The following LSAMP variants were observed in gnomAD, a reference collection of about 807,000 sequenced individuals.
The protein encoded by LSAMP is limbic system associated membrane protein.
LSAMP carries 7 observed loss-of-function variants against 38.6 expected under a neutral mutation model. The observed-to-expected ratio is 0.18, with a 90% CI of 0.10 to 0.34. The LOEUF is 0.34. LSAMP is among the 10% of genes least tolerant of loss of function. The pLI, the probability that LSAMP is intolerant of heterozygous loss-of-function variation, is 1.00. For missense variants in LSAMP, 313 were observed against 420.0 expected (o/e 0.75, Z 2.23); for synonymous variants, 154 against 166.8 (o/e 0.92, Z 0.59).
chr3:116,047,575 T>C (rs921243400), intron 2 of LSAMP, among the ~76,000 whole-genome samples: 7 of 152,124 alleles, frequency 4.6e-5, no homozygotes, highest in Admixed American at 3.9e-4. Context: ...TCTACATGCA[T>C]GCATCTCTTT....
Position 116,217,590 on chromosome 3 carries a change from TTTCTC to T in LSAMP, c.156-131039_156-131035del, listed in dbSNP as rs1465454787. On this transcript the variant is annotated intron_variant, in intron 1 of 6. Transcript: ENST00000490035. ...GAGAAGAAGTACATTGGATTGCAGTTTTCTCTTCACTTATTGTAAAGTGTTCCCAT... is the reference window on the plus strand; with the variant it reads ...GAGAAGAAGTACATTGGATTGCAGTTTTCACTTATTGTAAAGTGTTCCCAT... 2.6e-5 allele frequency among the ~76,000 whole-genome samples: 4 copies of T among 152,344 alleles called. No homozygotes were observed. The East Asian group carries it at 7.7e-4, about 29-fold the overall frequency.
rs557500726 is a variant in LSAMP at position 116,240,673 on chromosome 3, T to C, written c.156-154117A>G. Among the ~76,000 whole-genome samples, 22 of 152,340 alleles carry C rather than the reference T, an allele frequency of 1.4e-4. 1 individual carries two copies. The South Asian group carries it at 4.1e-3, about 29-fold the overall frequency. On this transcript the variant is annotated intron_variant, in intron 1 of 6. Coordinates refer to ENST00000490035, the MANE Select transcript of LSAMP (RefSeq NM_002338.5). ...CAAGAATTTTTTAACCTCATGTCCATGGACTGTTGGACTTTTAAGTTATCT... is the reference window on the plus strand; with the variant it reads ...CAAGAATTTTTTAACCTCATGTCCACGGACTGTTGGACTTTTAAGTTATCT...
In LSAMP at chr3:116,016,515, C is replaced by G. The variant is rs553525160; in HGVS notation, c.514+3000G>C. ...GGTGGGGGATATCCCCAAAGCCCTA[C>G]TTGGCCATGGATGAGTGCAGCAAAT... On this transcript the variant is annotated intron_variant, in intron 3 of 6. Coordinates refer to ENST00000490035, the MANE Select transcript of LSAMP (RefSeq NM_002338.5). Among the ~76,000 whole-genome samples the G allele has an allele frequency of 1.1e-4, 16 of 152,310 alleles. No homozygotes were observed. In the East Asian group the frequency reaches 2.3e-3, roughly 22 times the overall value.
At chr3:115,932,280 T>C (rs1937592050) in intron 3 of LSAMP, among the ~76,000 whole-genome samples, 1 of 152,174 alleles carries the variant, frequency 6.6e-6, no homozygotes, top group South Asian at 2.1e-4. Flanking sequence ...AGAAAGGAAA[T>C]TTGGACTTTT....
intron 6 of LSAMP, among the ~76,000 whole-genome samples, chr3:115,813,857 C>T (rs979130493): frequency 6.6e-6 from 1 of 152,078 alleles, no homozygotes; most frequent in African/African-American, 2.4e-5. Flanking sequence ...TCTTATTTCC[C>T]ACACCAGATG....
intron 2 of LSAMP, among the ~76,000 whole-genome samples, chr3:116,021,360 G>A (rs1409904539): frequency 6.6e-6 from 1 of 151,914 alleles, no homozygotes; most frequent in African/African-American, 2.4e-5. Flanking sequence ...GGCTTGTTAA[G>A]GATGAGCCCA....
At chr3:115,858,223 G>A (rs1935569888) in intron 3 of LSAMP, among the ~76,000 whole-genome samples, 1 of 151,506 alleles carries the variant, frequency 6.6e-6, no homozygotes, top group Non-Finnish European at 1.5e-5. Context: ...ACTGTTAAAT[G>A]TGTGTGAGCA....
chr3:116,121,567 C>T (rs1349013924), intron 1 of LSAMP, among the ~76,000 whole-genome samples: 1 of 152,164 alleles, frequency 6.6e-6, no homozygotes, highest in Non-Finnish European at 1.5e-5. Flanking sequence ...TATCAATATG[C>T]TCAGTTGGCA....
chr3:115,864,136 T>A (rs1935791429), intron 3 of LSAMP, among the ~76,000 whole-genome samples: 1 of 152,120 alleles, frequency 6.6e-6, no homozygotes, highest in Non-Finnish European at 1.5e-5. Flanking sequence ...CCTGGCCAAT[T>A]GTTAGAAGCA....
At chr3:115,839,802 G>A (rs1934937520) in intron 6 of LSAMP, among the ~76,000 whole-genome samples, 1 of 152,146 alleles carries the variant, frequency 6.6e-6, no homozygotes, top group African/African-American at 2.4e-5. Context: ...TATAATGGAG[G>A]GTGACTTCTA....
chr3:116,346,340 T>C (rs1283300813), intron 1 of LSAMP, among the ~76,000 whole-genome samples: 1 of 151,506 alleles, frequency 6.6e-6, no homozygotes, highest in African/African-American at 2.4e-5. Flanking sequence ...TTTTTTTTTT[T>C]CTTTTTGTGA....
chr3:116,400,636 A>T (rs955955101), intron 1 of LSAMP, among the ~76,000 whole-genome samples: 1 of 151,714 alleles, frequency 6.6e-6, no homozygotes, highest in Non-Finnish European at 1.5e-5. Context: ...TGCCACCACA[A>T]CTTGTTAATT....
At chr3:116,073,198 T>C (rs1707654924) in intron 2 of LSAMP, among the ~76,000 whole-genome samples, 1 of 152,212 alleles carries the variant, frequency 6.6e-6, no homozygotes, top group South Asian at 2.1e-4. Context: ...GTCAGGTTTG[T>C]CAAAGATCAG....
chr3:115,923,362 C>A (rs1273753666), intron 3 of LSAMP, among the ~76,000 whole-genome samples: 4 of 152,170 alleles, frequency 2.6e-5, no homozygotes, highest in South Asian at 4.1e-4. Context: ...AAATGAAATT[C>A]TTCTTCTTGA....
intron 1 of LSAMP, among the ~76,000 whole-genome samples, chr3:116,150,893 T>G (rs1454044592): frequency 2.4e-5 from 2 of 84,946 alleles, no homozygotes; most frequent in Admixed American, 2.9e-4. Context: ...AAATATATTA[T>G]AGAAATGTCA....
intron 3 of LSAMP, among the ~76,000 whole-genome samples, chr3:115,920,571 C>A (rs1477114087): frequency 6.6e-6 from 1 of 151,956 alleles, no homozygotes. Context: ...TTATTGAGTT[C>A]AATATTCTTC....
intron 1 of LSAMP, among the ~76,000 whole-genome samples, chr3:116,325,362 T>C (rs1477615695): frequency 6.6e-6 from 1 of 152,148 alleles, no homozygotes; most frequent in Non-Finnish European, 1.5e-5. Flanking sequence ...TACTTTTTGC[T>C]ATATTGCAGT....
At chr3:115,832,393 T>A (rs1156845200) in intron 6 of LSAMP, among the ~76,000 whole-genome samples, 1 of 152,186 alleles carries the variant, frequency 6.6e-6, no homozygotes, top group Non-Finnish European at 1.5e-5. Context: ...TAAGAGTTCA[T>A]AAAGATGGTG....
intron 1 of LSAMP, among the ~76,000 whole-genome samples, chr3:116,326,646 C>T (rs985996017): frequency 6.6e-6 from 1 of 152,140 alleles, no homozygotes; most frequent in Non-Finnish European, 1.5e-5. Flanking sequence ...TGACTTTCCA[C>T]AGTTGATACC....
Sources: allele counts gnomAD v4.1 joint callset (sites outside exome capture counted in the v4.1 genomes callset), GRCh38; gene constraint gnomAD v4.1.1; transcripts MANE v1.5; gene names NCBI Gene and HGNC (gene_info 2026-07-23, HGNC 2026-07-21).